RGPD2: variants seen among roughly 807,000 people sequenced by gnomAD.
RGPD2 encodes the protein RANBP2 like and GRIP domain containing 2, also known as RANBP2-like and GRIP domain-containing protein 2.
In RGPD2, 2 loss-of-function variants were observed where a neutral mutation model predicts 36.0. That is an observed-to-expected ratio of 0.06 (90% CI 0.02 to 0.17). The LOEUF (loss-of-function observed/expected upper bound fraction) is 0.17. Among genes scored for constraint, RGPD2 ranks in the 10% least tolerant of loss-of-function variants. The pLI, the probability that RGPD2 is intolerant of heterozygous loss-of-function variation, is 1.00. For synonymous variants in RGPD2, 19 were observed against 163.8 expected (o/e 0.12, Z 6.75); for missense variants, 40 against 464.3 (o/e 0.09, Z 8.40).
the RGPD2 span, among the ~76,000 whole-genome samples, chr2:87,915,382 AT>A: frequency 8.3e-6 from 1 of 120,196 alleles, no homozygotes; most frequent in Non-Finnish European, 1.7e-5. Flanking sequence ...TATTATATAT[AT>A]TGTATATATA....
At chr2:87,905,627 G>C in the RGPD2 span, among the ~76,000 whole-genome samples, 1 of 151,340 alleles carries the variant, frequency 6.6e-6, no homozygotes, top group African/African-American at 2.4e-5. Flanking sequence ...GGGTGGAATG[G>C]GGGCAGGGAA....
the RGPD2 span, among the ~76,000 whole-genome samples, chr2:87,854,723 T>TA: frequency 6.6e-6 from 1 of 152,094 alleles, no homozygotes; most frequent in Non-Finnish European, 1.5e-5. Flanking sequence ...CATCCCTTTT[T>TA]ATCACTAAAG....
the RGPD2 span, among the ~76,000 whole-genome samples, chr2:87,989,442 A>G: frequency 6.6e-6 from 1 of 152,214 alleles, no homozygotes; most frequent in East Asian, 1.9e-4. Context: ...TGAGATGACA[A>G]AAAATCACAT....
the RGPD2 span, among the ~76,000 whole-genome samples, chr2:87,894,138 C>A: frequency 7.2e-5 from 11 of 151,794 alleles, no homozygotes; most frequent in Non-Finnish European, 1.5e-5. Context: ...TCAGACTTCT[C>A]ACCTACAGAA....
At chr2:87,881,875 T>C in the RGPD2 span, among the ~76,000 whole-genome samples, 1 of 152,178 alleles carries the variant, frequency 6.6e-6, no homozygotes, top group African/African-American at 2.4e-5. Flanking sequence ...TGTTTCTGCA[T>C]GCTATACAAG....
chr2:87,857,774 T>TAAAACAAAAA, the RGPD2 span, among the ~76,000 whole-genome samples: 2 of 123,486 alleles, frequency 1.6e-5, no homozygotes, highest in African/African-American at 7.6e-5. Flanking sequence ...CCATCTCTAC[T>TAAAACAAAAA]AAAAAAAAAA....
the RGPD2 span, among the ~76,000 whole-genome samples, chr2:87,886,542 A>C: frequency 6.6e-6 from 1 of 151,892 alleles, no homozygotes; most frequent in African/African-American, 2.4e-5. Flanking sequence ...GGTCCTCTCT[A>C]GTGTTGATAT....
chr2:87,915,357 T>TTGTATATATATATATGTATATTGTA, the RGPD2 span, among the ~76,000 whole-genome samples: 1 of 116,482 alleles, frequency 8.6e-6, no homozygotes, highest in Non-Finnish European at 1.8e-5. Flanking sequence ...ATTATATATA[T>TTGTATATATATATATGTATATTGTA]TATATATATA....
the RGPD2 span, among the ~76,000 whole-genome samples, chr2:87,983,180 C>T: frequency 3.3e-5 from 5 of 152,084 alleles, no homozygotes; most frequent in East Asian, 1.9e-4. Context: ...ATTAGCCAGG[C>T]GTGGAAGTGC....
chr2:87,843,999 G>A, the RGPD2 span, among the ~76,000 whole-genome samples: 1 of 151,424 alleles, frequency 6.6e-6, no homozygotes, highest in Non-Finnish European at 1.5e-5. Flanking sequence ...ACTCATAGGT[G>A]GGAATTGAAC....
chr2:87,883,824 C>T, the RGPD2 span, among the ~76,000 whole-genome samples: 1 of 151,978 alleles, frequency 6.6e-6, no homozygotes, highest in Non-Finnish European at 1.5e-5. Flanking sequence ...CGAAAGGAGA[C>T]ATGGAATGTG....
At chr2:87,843,682 T>C in the RGPD2 span, among the ~76,000 whole-genome samples, 927 of 152,160 alleles carry the variant, frequency 6.1e-3, 10 homozygotes, top group African/African-American at 0.021. Context: ...GAACTAGAAA[T>C]ACCATTTAAC....
chr2:87,843,979 G>A, the RGPD2 span, among the ~76,000 whole-genome samples: 12 of 151,766 alleles, frequency 7.9e-5, no homozygotes, highest in Non-Finnish European at 1.3e-4. Flanking sequence ...ACCAAACACC[G>A]CATATTCTCA....
At chr2:87,856,438 A>G in the RGPD2 span, among the ~76,000 whole-genome samples, 1 of 150,062 alleles carries the variant, frequency 6.7e-6, no homozygotes, top group Non-Finnish European at 1.5e-5. Context: ...GTTTCACTCC[A>G]TTGTTGAGAG....
At chr2:87,861,272 T>C in the RGPD2 span, among the ~76,000 whole-genome samples, 2 of 151,898 alleles carry the variant, frequency 1.3e-5, no homozygotes, top group Admixed American at 1.3e-4. Flanking sequence ...ATTGAAGTCT[T>C]TAATTGCCTG....
the RGPD2 span, among the ~76,000 whole-genome samples, chr2:87,951,624 G>T: frequency 4.0e-5 from 6 of 151,344 alleles, no homozygotes; most frequent in African/African-American, 1.5e-4. Context: ...ACAGAGTCTC[G>T]CCCTGTACCC....
the RGPD2 span, among the ~76,000 whole-genome samples, chr2:87,927,252 GTTA>G: frequency 5.3e-3 from 689 of 130,668 alleles, 8 homozygotes; most frequent in African/African-American, 0.019. Flanking sequence ...AATTATTATA[GTTA>G]TATTTATTGA....
the RGPD2 span, among the ~76,000 whole-genome samples, chr2:87,857,593 C>T: frequency 2.4e-4 from 37 of 151,830 alleles, no homozygotes; most frequent in Admixed American, 6.5e-4. Context: ...CCGCCCGCCT[C>T]GGCCTCCCAA....
the RGPD2 span, among the ~76,000 whole-genome samples, chr2:87,846,147 T>C: frequency 4.0e-5 from 6 of 151,810 alleles, no homozygotes; most frequent in Non-Finnish European, 7.4e-5. Context: ...AATTTTCCTA[T>C]ATGTGGTGTT....
Sources: gnomAD v4.1 joint callset for allele counts (sites outside exome capture counted in the v4.1 genomes callset) on GRCh38, gnomAD v4.1.1 for gene constraint, MANE v1.5 for transcripts, NCBI Gene and HGNC (gene_info 2026-07-23, HGNC 2026-07-21) for gene names.